The following UST variants were observed in gnomAD, a reference collection of about 807,000 sequenced individuals.
The protein encoded by UST is uronyl 2-sulfotransferase.
UST carries 21 observed loss-of-function variants against 45.6 expected under a neutral mutation model. The observed-to-expected ratio is 0.46, with a 90% CI of 0.33 to 0.66. The LOEUF is 0.66. Among genes scored for constraint, UST ranks in the 30% least tolerant of loss-of-function variants. The pLI, the probability that UST is intolerant of heterozygous loss-of-function variation, is 0.02. For synonymous variants in UST, 215 were observed against 200.6 expected, an observed-to-expected ratio of 1.07 and a Z score of -0.61; for missense variants, 463 against 512.4, an observed-to-expected ratio of 0.90 and a Z score of 0.93.
At chr6:148,993,956 C>CTTTTTTTTTTTTT (rs57552256) in intron 5 of UST, among the ~76,000 whole-genome samples, 1 of 95,364 alleles carries the variant, frequency 1.0e-5, no homozygotes, top group Non-Finnish European at 1.9e-5. Flanking sequence ...TATTTCTTTC[C>CTTTTTTTTTTTTT]TTTTTTTTTT....
rs550853956 is a variant in UST at position 148,777,013 on chromosome 6, A to G, written c.247+29336A>G. Among the ~76,000 whole-genome samples the G allele has an allele frequency of 3.9e-5, 6 of 152,280 alleles. No individual in the cohort carries two copies. In the South Asian group the frequency reaches 1.2e-3, roughly 32 times the overall value. On this transcript the variant is annotated intron_variant, in intron 1 of 7. Coordinates refer to ENST00000367463, the MANE Select transcript of UST (RefSeq NM_005715.3). ...CCATCCCACTAACCTGCTGATTCTA[A>G]CAGGCAGTAAATTCAGGGAGCAAAT...
intron 2 of UST, among the ~76,000 whole-genome samples, chr6:148,914,896 T>C (rs1282015338): frequency 2.6e-5 from 4 of 152,208 alleles, no homozygotes; most frequent in Admixed American, 2.6e-4. Context: ...TACCATAGAC[T>C]GGGTAGCTTA....
At chr6:148,854,201 G>A (rs1022988312) in intron 1 of UST, among the ~76,000 whole-genome samples, 3 of 152,174 alleles carry the variant, frequency 2.0e-5, no homozygotes, top group African/African-American at 4.8e-5. Context: ...CTCTGCTACC[G>A]TCTGTCCTGG....
At chr6:148,756,092 T>C (rs1451945594) in intron 1 of UST, among the ~76,000 whole-genome samples, 3 of 146,784 alleles carry the variant, frequency 2.0e-5, no homozygotes, top group Non-Finnish European at 4.5e-5. Flanking sequence ...CACCTATGAG[T>C]GAGAACATGC....
chr6:148,802,789 G>C (rs925146002), intron 1 of UST, among the ~76,000 whole-genome samples: 2 of 152,136 alleles, frequency 1.3e-5, no homozygotes, highest in Non-Finnish European at 2.9e-5. Flanking sequence ...AAATAGGCAA[G>C]AACAATTTTA....
chr6:148,955,412 T>C (rs1298232709), intron 4 of UST, among the ~76,000 whole-genome samples: 1 of 152,258 alleles, frequency 6.6e-6, no homozygotes, highest in East Asian at 1.9e-4. Context: ...TGCTGCCTTA[T>C]CTTTAAAAGC....
At chr6:148,994,494 G>T (rs1781413325) in intron 5 of UST, among the ~76,000 whole-genome samples, 1 of 152,158 alleles carries the variant, frequency 6.6e-6, no homozygotes, top group Non-Finnish European at 1.5e-5. Context: ...TCCTCTGATT[G>T]TGTTTTTTGG....
At chr6:149,040,443 G>T (rs765535223) in intron 7 of UST, among the ~76,000 whole-genome samples, 1 of 152,048 alleles carries the variant, frequency 6.6e-6, no homozygotes, top group Non-Finnish European at 1.5e-5. Flanking sequence ...GATCACGAGG[G>T]CAGGAGTTCA....
At chr6:148,879,515 G>T (rs1170972245) in intron 1 of UST, among the ~76,000 whole-genome samples, 2 of 152,208 alleles carry the variant, frequency 1.3e-5, no homozygotes, top group Non-Finnish European at 2.9e-5. Context: ...CCATGGACTT[G>T]TCCCAGAATA....
chr6:148,877,810 G>A (rs2114828252), intron 1 of UST, among the ~76,000 whole-genome samples: 1 of 123,044 alleles, frequency 8.1e-6, no homozygotes. Context: ...GGGGTCATGT[G>A]TGAGTGTGGG....
At chr6:149,005,248 A>G (rs1402806044) in intron 5 of UST, 2 of 957,112 alleles carry the variant, frequency 2.1e-6, no homozygotes, top group East Asian at 2.3e-4. Flanking sequence ...CCCTCTGTGT[A>G]TGTTGACGTT....
rs987519639 is a variant in UST, at chr6:148,933,710, G to A, written c.292-7569G>A. On this transcript the variant is annotated intron_variant, in intron 2 of 7. Coordinates refer to ENST00000367463, the MANE Select transcript of UST (RefSeq NM_005715.3). ...GAAAACAGATGTGTGTGGCTCAGAT[G>A]GTTTGATGGGCAAAGGCCAGTGAGA... is the stretch of plus-strand genomic sequence containing the variant. 3.9e-5 allele frequency among the ~76,000 whole-genome samples: 6 copies of A among 152,326 alleles called. No homozygotes were observed. The South Asian group carries it at 8.3e-4, about 21-fold the overall frequency.
intron 7 of UST, among the ~76,000 whole-genome samples, chr6:149,048,177 T>C (rs1191648062): frequency 3.9e-5 from 6 of 152,036 alleles, no homozygotes; most frequent in Non-Finnish European, 5.9e-5. Flanking sequence ...TATAGTTGAC[T>C]GTTTTTTGGG....
At chr6:148,933,850 T>C (rs993184427) in intron 2 of UST, among the ~76,000 whole-genome samples, 2 of 152,198 alleles carry the variant, frequency 1.3e-5, no homozygotes, top group African/African-American at 4.8e-5. Context: ...AGATTTATTA[T>C]GGGACAAGCC....
At chr6:148,864,097 C>A (rs1480134220) in intron 1 of UST, among the ~76,000 whole-genome samples, 2 of 152,340 alleles carry the variant, frequency 1.3e-5, no homozygotes, top group Admixed American at 6.5e-5. Context: ...GCCCTGCCCC[C>A]AGAGGTGGAG....
chr6:149,041,952 C>T (rs1191332664), intron 7 of UST, among the ~76,000 whole-genome samples: 1 of 152,198 alleles, frequency 6.6e-6, no homozygotes, highest in African/African-American at 2.4e-5. Flanking sequence ...CACAATTTGT[C>T]CTTCCCAGGG....
intron 5 of UST, among the ~76,000 whole-genome samples, chr6:149,005,097 T>C (rs1351770512): frequency 1.3e-5 from 2 of 152,060 alleles, no homozygotes; most frequent in Non-Finnish European, 2.9e-5. Flanking sequence ...CCTAGAGCAA[T>C]GATTCTCAGA....
At chr6:148,905,429 A>G (rs564910580) in intron 2 of UST, among the ~76,000 whole-genome samples, 2 of 152,278 alleles carry the variant, frequency 1.3e-5, no homozygotes, top group African/African-American at 2.4e-5. Flanking sequence ...CCTCCACTCC[A>G]TGGAAACAGA....
intron 2 of UST, among the ~76,000 whole-genome samples, chr6:148,938,432 A>G (rs1780060295): frequency 6.6e-6 from 1 of 152,246 alleles, no homozygotes; most frequent in African/African-American, 2.4e-5. Flanking sequence ...TCCAGTGACA[A>G]CTAGCCTTTA....
Sources: allele counts gnomAD v4.1 joint callset (sites outside exome capture counted in the v4.1 genomes callset), GRCh38; gene constraint gnomAD v4.1.1; transcripts MANE v1.5; gene names NCBI Gene and HGNC (gene_info 2026-07-23, HGNC 2026-07-21).